The following APTX variants were observed in gnomAD, a reference collection of about 807,000 sequenced individuals.
The protein encoded by APTX is aprataxin, also known as forkhead-associated domain histidine triad-like protein.
In APTX, 33 loss-of-function variants were observed where a neutral mutation model predicts 42.3. The observed-to-expected ratio is 0.78, with a 90% CI of 0.59 to 1.04. APTX has a LOEUF of 1.04. APTX is among the 50% of genes least tolerant of loss of function. The pLI is 0.00. For missense variants in APTX, 421 were observed against 415.1 expected (o/e 1.01, Z -0.12); for synonymous variants, 130 against 146.7 (o/e 0.89, Z 0.82).
intron 1 of APTX, among the ~76,000 whole-genome samples, chr9:33,023,451 G>A (rs947430780): frequency 6.6e-6 from 1 of 151,454 alleles, no homozygotes; most frequent in Non-Finnish European, 1.5e-5. Flanking sequence ...CTAGAACTCC[G>A]GATCTCAGGT....
intron 6 of APTX, among the ~76,000 whole-genome samples, chr9:32,974,765 A>G (rs1467657884): frequency 6.6e-6 from 1 of 152,188 alleles, no homozygotes; most frequent in Non-Finnish European, 1.5e-5. Flanking sequence ...AGTATGTACT[A>G]TGGCCAAACA....
chr9:32,979,155 A>T (rs933210395), intron 6 of APTX, among the ~76,000 whole-genome samples: 1 of 151,878 alleles, frequency 6.6e-6, no homozygotes, highest in Non-Finnish European at 1.5e-5. Context: ...TAAGCATAGT[A>T]CCCCATAGGC....
At chr9:33,015,909 A>G (rs1336774856) in intron 1 of APTX, 1 of 152,224 alleles carries the variant, frequency 6.6e-6, no homozygotes, top group Non-Finnish European at 1.5e-5. Context: ...CCGCATCTGA[A>G]TTTTTGTGCA....
At chr9:32,993,342 G>C (rs1219757600) in intron 1 of APTX, among the ~76,000 whole-genome samples, 2 of 152,124 alleles carry the variant, frequency 1.3e-5, no homozygotes, top group African/African-American at 4.8e-5. Context: ...TTTAGAAATG[G>C]AGTGTTTTAC....
chr9:32,980,877 A>G (rs1316347277), intron 6 of APTX, among the ~76,000 whole-genome samples: 1 of 152,222 alleles, frequency 6.6e-6, no homozygotes, highest in Non-Finnish European at 1.5e-5. Flanking sequence ...AACCAAGTAG[A>G]ATGCCTTTTT....
intron 1 of APTX, among the ~76,000 whole-genome samples, chr9:33,022,747 G>A (rs1161190735): frequency 1.3e-5 from 2 of 152,224 alleles, no homozygotes; most frequent in Non-Finnish European, 2.9e-5. Flanking sequence ...CTTGTATAAT[G>A]ATCCCATTTC....
intron 6 of APTX, chr9:32,979,554 C>T (rs1830234220): frequency 1.3e-5 from 2 of 153,928 alleles, no homozygotes; most frequent in Admixed American, 6.5e-5. Flanking sequence ...GTTATTCCAA[C>T]TCAACAGAAC....
At chr9:33,016,868 G>A (rs1319553129) in intron 1 of APTX, among the ~76,000 whole-genome samples, 1 of 152,138 alleles carries the variant, frequency 6.6e-6, no homozygotes, top group Non-Finnish European at 1.5e-5. Context: ...AACCATCTCC[G>A]CTTTTTCACA....
At chr9:32,997,947 T>C (rs1030290964) in intron 1 of APTX, among the ~76,000 whole-genome samples, 1 of 151,910 alleles carries the variant, frequency 6.6e-6, no homozygotes, top group African/African-American at 2.4e-5. Flanking sequence ...AGAAAAGATA[T>C]GGGGGAACAG....
At chr9:33,001,527 A>G (rs1394175818) in intron 1 of APTX, 40 bp downstream of exon 1, 2 of 1,613,236 alleles carry the variant, frequency 1.2e-6, no homozygotes, top group Non-Finnish European at 1.7e-6. Flanking sequence ...CGCGGCATTG[A>G]GCCCAGCCAG....
At chr9:32,975,107 A>T (rs1829067318) in intron 6 of APTX, among the ~76,000 whole-genome samples, 1 of 152,096 alleles carries the variant, frequency 6.6e-6, no homozygotes, top group Non-Finnish European at 1.5e-5. Flanking sequence ...CCCTGAGATG[A>T]GGAAAAGCTC....
intron 4 of APTX, among the ~76,000 whole-genome samples, chr9:32,987,181 T>G (rs1832395253): frequency 6.6e-6 from 1 of 152,188 alleles, no homozygotes; most frequent in Non-Finnish European, 1.5e-5. Flanking sequence ...GAGTCATACC[T>G]TCTTTGCCCT....
chr9:33,009,613 T>C (rs1488112285), intron 1 of APTX, among the ~76,000 whole-genome samples: 4 of 151,998 alleles, frequency 2.6e-5, no homozygotes, highest in African/African-American at 7.2e-5. Flanking sequence ...ACCCTCTCTC[T>C]ATAAAAAATA....
upstream of APTX, chr9:33,001,708 T>C (rs1396964531): frequency 4.0e-6 from 6 of 1,485,722 alleles, no homozygotes; most frequent in East Asian, 2.4e-5. Context: ...TGAAAGAATC[T>C]TGCCCACTTC....
intron 1 of APTX, chr9:32,997,313 G>C (rs1355246714): frequency 6.6e-6 from 1 of 151,858 alleles, no homozygotes; most frequent in African/African-American, 2.4e-5. Flanking sequence ...GTCCAGCTTG[G>C]GCAACACAGC....
At chr9:33,013,140 T>C (rs17324630) in intron 1 of APTX, among the ~76,000 whole-genome samples, 10,738 of 152,326 alleles carry the variant, frequency 0.07, 515 homozygotes, top group Non-Finnish European at 0.11. Context: ...ATAATTTCTA[T>C]GACCATTACT....
intron 1 of APTX, among the ~76,000 whole-genome samples, chr9:33,010,920 T>A (rs953489514): frequency 6.6e-6 from 1 of 151,776 alleles, no homozygotes; most frequent in Non-Finnish European, 1.5e-5. Context: ...GGCAGGTGGA[T>A]TGCCTGAGCT....
chr9:32,988,173 C>G, intron 2 of APTX, 44 bp from the exon 3 acceptor site: 4 of 1,567,566 alleles, frequency 2.6e-6, no homozygotes, highest in Non-Finnish European at 3.5e-6. Context: ...CAACAAAGAA[C>G]CAGGCACTTG....
At chr9:33,017,945 A>G (rs935481594) in intron 1 of APTX, among the ~76,000 whole-genome samples, 1 of 14,154 alleles carries the variant, frequency 7.1e-5, no homozygotes, top group Non-Finnish European at 1.7e-4. Context: ...CCCCCCTCCC[A>G]TTTTCGGGCT....
Sources: gnomAD v4.1 joint callset for allele counts (sites outside exome capture counted in the v4.1 genomes callset) on GRCh38, gnomAD v4.1.1 for gene constraint, MANE v1.5 for transcripts, NCBI Gene and HGNC (gene_info 2026-07-23, HGNC 2026-07-21) for gene names.